The following CEP128 variants were observed in gnomAD, a reference collection of about 807,000 sequenced individuals.
CEP128 encodes centrosomal protein 128.
Under a neutral mutation model 156.7 loss-of-function variants are expected in CEP128, and 132 were observed. That is an observed-to-expected ratio of 0.84 (90% CI 0.73 to 0.97). The LOEUF is 0.97. CEP128 is among the 50% of genes least tolerant of loss of function. The pLI is 0.00. For missense variants in CEP128, 1,252 were observed against 1,281.9 expected, an observed-to-expected ratio of 0.98 and a Z score of 0.36; for synonymous variants, 469 against 448.9, an observed-to-expected ratio of 1.04 and a Z score of -0.57.
chr14:80,605,123 A>G (rs761206958), intron 19 of CEP128, among the ~76,000 whole-genome samples: 10 of 152,098 alleles, frequency 6.6e-5, no homozygotes, highest in Non-Finnish European at 1.0e-4. Context: ...TTTCTTGGCC[A>G]TAACGATCCT....
chr14:80,819,676 G>A (rs192223065), intron 13 of CEP128, among the ~76,000 whole-genome samples: 68 of 152,142 alleles, frequency 4.5e-4, no homozygotes, highest in East Asian at 3.9e-4. Flanking sequence ...GAATTTTGGC[G>A]GAACACAATA....
intron 8 of CEP128, among the ~76,000 whole-genome samples, chr14:80,883,529 C>T (rs568949467): frequency 4.3e-4 from 66 of 151,732 alleles, no homozygotes; most frequent in Non-Finnish European, 8.1e-4. Context: ...TAGGAATTAA[C>T]CAAAAAAGTG....
intron 19 of CEP128, among the ~76,000 whole-genome samples, chr14:80,629,291 A>G (rs1384347611): frequency 1.3e-5 from 2 of 152,184 alleles, no homozygotes; most frequent in African/African-American, 4.8e-5. Flanking sequence ...TGTAAAATAT[A>G]CATAAGAATT....
intron 3 of CEP128, among the ~76,000 whole-genome samples, chr14:80,915,273 C>T (rs1884484204): frequency 6.6e-6 from 1 of 152,154 alleles, no homozygotes; most frequent in South Asian, 2.1e-4. Flanking sequence ...CCTCCCACCT[C>T]AGCCTCCCAA....
upstream of CEP128, among the ~76,000 whole-genome samples, chr14:80,946,495 T>C (rs1279129937): frequency 1.3e-5 from 2 of 151,998 alleles, no homozygotes; most frequent in Non-Finnish European, 2.9e-5. Context: ...TCCAAGATGC[T>C]AATTCTAGAT....
At chr14:80,955,763 C>T (rs1886634720) in intron 2 of CEP128, 3 of 1,614,190 alleles carry the variant, frequency 1.9e-6, no homozygotes, top group Non-Finnish European at 2.5e-6. Flanking sequence ...TCGTCTCCAC[C>T]CTGCGAGTGC....
At chr14:80,674,935 C>G (rs1247938083) in intron 19 of CEP128, among the ~76,000 whole-genome samples, 1 of 151,736 alleles carries the variant, frequency 6.6e-6, no homozygotes, top group African/African-American at 2.4e-5. Flanking sequence ...TTATAGGGAT[C>G]CTACTCTCTA....
chr14:80,751,976 A>G (rs1387668187), intron 18 of CEP128, among the ~76,000 whole-genome samples: 2 of 152,086 alleles, frequency 1.3e-5, no homozygotes, highest in Non-Finnish European at 2.9e-5. Context: ...GATAGCTTCC[A>G]ATTAGGTGGG....
At chr14:80,759,697 G>C (rs568265969) in intron 17 of CEP128, among the ~76,000 whole-genome samples, 1 of 152,060 alleles carries the variant, frequency 6.6e-6, no homozygotes, top group East Asian at 1.9e-4. Flanking sequence ...TTCTCTAGGG[G>C]AAGAAGTGTA....
At chr14:80,695,824 G>C (rs999548499) in intron 19 of CEP128, among the ~76,000 whole-genome samples, 16 of 151,994 alleles carry the variant, frequency 1.1e-4, no homozygotes, top group African/African-American at 3.9e-4. Flanking sequence ...ACTTTCAATG[G>C]TCCATAAAAG....
chr14:80,722,835 T>C (rs1409871126), intron 19 of CEP128, among the ~76,000 whole-genome samples: 1 of 146,818 alleles, frequency 6.8e-6, no homozygotes, highest in African/African-American at 2.5e-5. Context: ...TTTTTTTTTT[T>C]TTTTTTTTGA....
chr14:80,584,141 ATTTTTTTTTT>A (rs992004088), intron 19 of CEP128, among the ~76,000 whole-genome samples: 13 of 117,372 alleles, frequency 1.1e-4, no homozygotes, highest in Admixed American at 7.9e-4. Flanking sequence ...CGTCCGTGAC[ATTTTTTTTTT>A]TTTTTTTTTT....
chr14:80,897,602 A>G (rs1297218201), intron 7 of CEP128, among the ~76,000 whole-genome samples: 2 of 146,716 alleles, frequency 1.4e-5, no homozygotes, highest in Non-Finnish European at 3.0e-5. Context: ...CAAATTGAAA[A>G]TCTTAGAGTC....
intron 19 of CEP128, among the ~76,000 whole-genome samples, chr14:80,702,723 T>C (rs1216317501): frequency 6.6e-6 from 1 of 152,160 alleles, no homozygotes; most frequent in Non-Finnish European, 1.5e-5. Context: ...AATGTGACTT[T>C]AAAGTGCATG....
intron 8 of CEP128, among the ~76,000 whole-genome samples, chr14:80,878,284 C>A (rs144731817): frequency 2.4e-4 from 37 of 152,244 alleles, no homozygotes; most frequent in African/African-American, 7.5e-4. Context: ...CCACTCCACC[C>A]TCCATGCCCA....
chr14:80,816,637 G>A (rs916695295), intron 13 of CEP128, among the ~76,000 whole-genome samples: 3 of 152,078 alleles, frequency 2.0e-5, no homozygotes, highest in South Asian at 4.2e-4. Flanking sequence ...AGAGGGAGAG[G>A]CCTTATGAAC....
intron 13 of CEP128, among the ~76,000 whole-genome samples, chr14:80,823,269 T>C (rs1405493125): frequency 6.6e-6 from 1 of 152,224 alleles, no homozygotes; most frequent in Non-Finnish European, 1.5e-5. Flanking sequence ...ATGGCACCTG[T>C]CAAAAGAGCA....
intron 19 of CEP128, among the ~76,000 whole-genome samples, chr14:80,629,835 T>C (rs1160824994): frequency 1.3e-5 from 2 of 151,952 alleles, no homozygotes; most frequent in Non-Finnish European, 2.9e-5. Context: ...GTCCTAGGAA[T>C]AACATGAGAA....
chr14:80,510,688 A>G (rs1246372253), intron 23 of CEP128, among the ~76,000 whole-genome samples: 1 of 152,006 alleles, frequency 6.6e-6, no homozygotes, highest in Non-Finnish European at 1.5e-5. Flanking sequence ...ATCTTAGAGG[A>G]AGGGTTTTCA....
Sources: allele counts gnomAD v4.1 joint callset (sites outside exome capture counted in the v4.1 genomes callset), GRCh38; gene constraint gnomAD v4.1.1; transcripts MANE v1.5; gene names NCBI Gene and HGNC (gene_info 2026-07-23, HGNC 2026-07-21).